Variants in C12orf42 observed in about 807,000 individuals in gnomAD.
C12orf42 encodes uncharacterized protein C12orf42.
In C12orf42, 25 loss-of-function variants were observed where a neutral mutation model predicts 21.6. That is an observed-to-expected ratio of 1.16 (90% confidence interval 0.84 to 1.62). C12orf42 has a LOEUF of 1.62. C12orf42 is among the 40% of genes most tolerant of loss of function. The pLI is 0.00. For synonymous variants in C12orf42, 174 were observed against 175.0 expected (o/e 0.99, Z 0.05); for missense variants, 483 against 459.3 (o/e 1.05, Z -0.47).
intron 3 of C12orf42, among the ~76,000 whole-genome samples, chr12:103,381,640 C>T (rs113781121): frequency 0.017 from 2,657 of 152,216 alleles, 80 homozygotes; most frequent in African/African-American, 0.061. Context: ...TATCTTGGGC[C>T]GGGTTGGTGG....
chr12:103,365,447 T>C (rs1252190272), intron 4 of C12orf42, among the ~76,000 whole-genome samples: 1 of 152,022 alleles, frequency 6.6e-6, no homozygotes, highest in Non-Finnish European at 1.5e-5. Context: ...ACACTTCTAT[T>C]CAACATAGTA....
the C12orf42 span, among the ~76,000 whole-genome samples, chr12:103,217,990 C>T: frequency 2.1e-3 from 315 of 152,180 alleles, no homozygotes; most frequent in Middle Eastern, 3.4e-3. Flanking sequence ...CTTATAGAAA[C>T]GAAATCCTCG....
chr12:103,507,246 A>G, the C12orf42 span, among the ~76,000 whole-genome samples: 1 of 62,440 alleles, frequency 1.6e-5, no homozygotes, highest in Non-Finnish European at 2.5e-5. Context: ...TATATTATAT[A>G]TAATATATAA....
chr12:103,154,522 A>G, the C12orf42 span, among the ~76,000 whole-genome samples: 3 of 152,152 alleles, frequency 2.0e-5, no homozygotes, highest in African/African-American at 7.2e-5. Context: ...AAACATTTCT[A>G]ACTTGTACTC....
At chr12:103,373,296 G>A (rs1190221641) in intron 3 of C12orf42, among the ~76,000 whole-genome samples, 1 of 152,170 alleles carries the variant, frequency 6.6e-6, no homozygotes, top group African/African-American at 2.4e-5. Context: ...GGGAAATAAT[G>A]CCAAGTGGCC....
upstream of C12orf42, among the ~76,000 whole-genome samples, chr12:103,496,404 TTGGGGATACTTTTAATCCAAAGTCA>T (rs1431577585): frequency 5.3e-5 from 8 of 152,082 alleles, no homozygotes; most frequent in Non-Finnish European, 1.0e-4. Context: ...CAGTGGCCAT[TTGGGGATACTTTTAATCCAAAGTCA>T]TGCTAGTTGG....
the C12orf42 span, among the ~76,000 whole-genome samples, chr12:103,518,985 A>T: frequency 6.6e-6 from 1 of 152,186 alleles, no homozygotes; most frequent in Non-Finnish European, 1.5e-5. Context: ...TAATCCCCGT[A>T]ACCCCCCATG....
At chr12:103,231,063 C>T in the C12orf42 span, among the ~76,000 whole-genome samples, 12 of 152,096 alleles carry the variant, frequency 7.9e-5, no homozygotes, top group Non-Finnish European at 1.6e-4. Context: ...TTTAAATTTA[C>T]AAGTGTATGA....
the C12orf42 span, among the ~76,000 whole-genome samples, chr12:103,216,857 T>A: frequency 6.6e-6 from 1 of 151,982 alleles, no homozygotes; most frequent in African/African-American, 2.4e-5. Context: ...CTCTTTCTTT[T>A]TTTGAGATGG....
At chr12:103,081,432 T>G in the C12orf42 span, 1 of 152,214 alleles carries the variant, frequency 6.6e-6, no homozygotes, top group East Asian at 1.9e-4. Flanking sequence ...TCAATGTTTT[T>G]CTTTATCTCT....
the C12orf42 span, among the ~76,000 whole-genome samples, chr12:103,147,891 T>C: frequency 6.6e-6 from 1 of 152,184 alleles, no homozygotes; most frequent in African/African-American, 2.4e-5. Flanking sequence ...GCAGTCAAGA[T>C]AGCCTAACCA....
chr12:103,113,014 G>A, the C12orf42 span, among the ~76,000 whole-genome samples: 1 of 152,222 alleles, frequency 6.6e-6, no homozygotes, highest in East Asian at 1.9e-4. Flanking sequence ...AACTTGTAGA[G>A]TCCCAAGGCT....
intron 10 of C12orf42, among the ~76,000 whole-genome samples, chr12:103,250,399 C>CT (rs1008144380): frequency 1.3e-5 from 2 of 152,026 alleles, no homozygotes; most frequent in Non-Finnish European, 1.5e-5. Context: ...AAGCACAAGC[C>CT]TTTTCTCCAA....
At chr12:103,275,231 A>C (rs999176235) in intron 5 of C12orf42, among the ~76,000 whole-genome samples, 5 of 152,314 alleles carry the variant, frequency 3.3e-5, no homozygotes, top group East Asian at 1.9e-4. Flanking sequence ...AAAAAATCTT[A>C]CAAAAAGGAA....
intron 10 of C12orf42, among the ~76,000 whole-genome samples, chr12:103,250,592 C>T (rs1763493911): frequency 6.6e-6 from 1 of 152,040 alleles, no homozygotes; most frequent in Admixed American, 6.6e-5. Context: ...AGAGTTCCCC[C>T]AAAGGACAGA....
At chr12:103,546,912 G>A in the C12orf42 span, among the ~76,000 whole-genome samples, 9 of 152,118 alleles carry the variant, frequency 5.9e-5, no homozygotes, top group Non-Finnish European at 1.2e-4. Context: ...TGATGAACAG[G>A]CCTTGCTAAG....
the C12orf42 span, among the ~76,000 whole-genome samples, chr12:103,131,708 G>A: frequency 6.6e-6 from 1 of 152,170 alleles, no homozygotes; most frequent in Non-Finnish European, 1.5e-5. Flanking sequence ...TTTGGGTAGG[G>A]CTATGATGGC....
chr12:103,344,095 T>C (rs1021563528), intron 4 of C12orf42, among the ~76,000 whole-genome samples: 1 of 152,062 alleles, frequency 6.6e-6, no homozygotes, highest in African/African-American at 2.4e-5. Flanking sequence ...ATGACCAAAT[T>C]AGAAAAAGGG....
chr12:103,353,196 G>A (rs1247257117), intron 4 of C12orf42, among the ~76,000 whole-genome samples: 2 of 151,790 alleles, frequency 1.3e-5, no homozygotes, highest in African/African-American at 2.4e-5. Context: ...AATGCAGAGA[G>A]CCTACCTTCC....
Sources: gnomAD v4.1 joint callset for allele counts (sites outside exome capture counted in the v4.1 genomes callset) on GRCh38, gnomAD v4.1.1 for gene constraint, MANE v1.5 for transcripts, NCBI Gene and HGNC (gene_info 2026-07-23, HGNC 2026-07-21) for gene names.